Variants in SLC9A1 observed in about 807,000 individuals in gnomAD.
SLC9A1 encodes solute carrier family 9 member A1.
A neutral mutation model predicts 67.9 loss-of-function variants in SLC9A1; 22 were observed. That is an observed-to-expected ratio of 0.32 (90% CI 0.23 to 0.46). The LOEUF (loss-of-function observed/expected upper bound fraction) is 0.46, where lower values mean the gene tolerates loss of function less well. Ranked by LOEUF, SLC9A1 falls within the 20% of genes least tolerant of loss-of-function variation. The probability of loss-of-function intolerance (pLI) is 1.00; values close to 1 mark genes in which losing one functional copy is unlikely to be tolerated. For missense variants in SLC9A1, 686 were observed against 1,094.8 expected (o/e 0.63, Z 5.27); for synonymous variants, 421 against 471.8 (o/e 0.89, Z 1.40).
At chr1:27,123,890 GATCTTGGCTCACTGCA>G (rs1333224458) in intron 1 of SLC9A1, among the ~76,000 whole-genome samples, 1 of 143,550 alleles carries the variant, frequency 7.0e-6, no homozygotes, top group Non-Finnish European at 1.5e-5. Flanking sequence ...GCAGTGGCAC[GATCTTGGCTCACTGCA>G]ACCTCCGCCT....
Position 27,114,436 on chromosome 1 carries a change from C to T in SLC9A1, c.353-150G>A, listed in dbSNP as rs766830880. 1.4e-5 allele frequency: 9 copies of T among 625,766 alleles called. No individual in the cohort carries two copies. The highest frequency in any genetic ancestry group is 3.0e-5 in the Admixed American group (1 of 33,760). The allele number at this position is 625,766 out of a possible 1,614,324, so 38.8% of individuals were successfully genotyped here. On this transcript the variant is annotated intron_variant, in intron 1 of 11. Transcript: ENST00000263980. This position sits in a 1 kb window ranked among gnomAD's most constrained non-coding sequence, Gnocchi z 5.4. ...CTGCTCTGTTAACTCTCTGAGCCTC[C>T]GCTTCCTCGCCTGTAAAATGGAAGG...
Position 27,100,766 on chromosome 1 carries a change from C to G in SLC9A1, c.2111-122G>C, listed in dbSNP as rs915460896. On this transcript the variant is annotated intron_variant, in intron 11 of 11. Coordinates refer to ENST00000263980, the MANE Select transcript of SLC9A1 (RefSeq NM_003047.5). This position sits in a 1 kb window ranked among gnomAD's most constrained non-coding sequence, Gnocchi z 5.6. Reference sequence around the variant, plus strand: ...ATGAGCACAGCCGTCCCGGTCCCAACAGGCCTCAGAAGCAGGCCTCTGCGA... The same window carrying G: ...ATGAGCACAGCCGTCCCGGTCCCAAGAGGCCTCAGAAGCAGGCCTCTGCGA... The G allele has an allele frequency of 5.1e-6, 4 of 782,058 alleles. No individual in the cohort carries two copies. The highest frequency in any genetic ancestry group is 2.5e-5 in the East Asian group (1 of 40,340). The allele number at this position is 782,058 out of a possible 1,614,324, so 48.4% of individuals were successfully genotyped here.
At chr1:27,122,956 G>A (rs1046401783) in intron 1 of SLC9A1, among the ~76,000 whole-genome samples, 5 of 151,640 alleles carry the variant, frequency 3.3e-5, no homozygotes, top group South Asian at 2.1e-4. Flanking sequence ...CAAGGGAGAG[G>A]TGCCAGGCAG....
At chr1:27,133,382 C>G (rs185531382) in intron 1 of SLC9A1, among the ~76,000 whole-genome samples, 125 of 152,276 alleles carry the variant, frequency 8.2e-4, no homozygotes, top group Non-Finnish European at 1.5e-3. Flanking sequence ...TTTCCTGATT[C>G]TTGACGTCAA....
At position 27,154,002 on chromosome 1, in the gene SLC9A1, C is replaced by G; in HGVS notation, c.333G>C (p.Leu111=). 6.4e-7 allele frequency: 1 copy of G among 1,573,462 alleles called. No individual in the cohort carries two copies. The highest frequency in any genetic ancestry group is 8.7e-7 in the Non-Finnish European group (1 of 1,154,912). Residue 111 remains leucine (L), a synonymous_variant, in exon 1 of 12, where the codon CTG becomes CTC. Transcript: ENST00000263980. The part of the protein sequence containing the change: ...TPFEISLWIL[L]ACLMKIGFHV... Reference sequence around the variant, plus strand: ...ACTTACCTATCTTCATGAGGCAGGCCAGAAGGATCCAGAGGGAGATCTCGA... The same window carrying G: ...ACTTACCTATCTTCATGAGGCAGGCGAGAAGGATCCAGAGGGAGATCTCGA...
At position 27,106,071 on chromosome 1, in the gene SLC9A1, G is replaced by C. The variant is rs370935992; in HGVS notation, c.1299C>G (p.Thr433=). 9 of 1,612,748 alleles carry C rather than the reference G, an allele frequency of 5.6e-6. No individual in the cohort carries two copies. The African/African-American group carries it at 1.2e-4, about 22-fold the overall frequency. The change falls in exon 5 of 12, where the codon ACC becomes ACG. Residue 433 remains threonine (T), a synonymous_variant. Coordinates refer to ENST00000263980, the MANE Select transcript of SLC9A1 (RefSeq NM_003047.5). The surrounding 1 kb of genome is among the most constrained non-coding windows in gnomAD (Gnocchi z 4.3). ...CGATACGGAACTTGTTGATGAACCA[G>C]GTCAGGCCCAGCACCCCTGCAGGGG... is the stretch of plus-strand genomic sequence containing the variant. ...IARVLGVLGL[T]WFINKFRIVK... is the part of the protein sequence containing the mutation.
At chr1:27,132,928 A>G (rs2083395496) in intron 1 of SLC9A1, among the ~76,000 whole-genome samples, 1 of 152,178 alleles carries the variant, frequency 6.6e-6, no homozygotes, top group Admixed American at 6.5e-5. Flanking sequence ...CTGCACTGTG[A>G]CGTGGTAGCT....
Position 27,101,102 on chromosome 1 carries a change from G to T in SLC9A1, c.2110+101C>A. ...GGATCCTGAGGTCAGCGAGGGCCAG[G>T]CCTGTCCTCCCAGTGGCTGAGGACT... On this transcript the variant is annotated intron_variant, in intron 11 of 11. Transcript: ENST00000263980. The surrounding 1 kb of genome is among the most constrained non-coding windows in gnomAD (Gnocchi z 4.9). The T allele has an allele frequency of 1.1e-6, 1 of 886,196 alleles. No individual in the cohort carries two copies. Among genetic ancestry groups the T allele is most frequent in the African/African-American group, 1.6e-5 (1 of 61,168 alleles). 54.9% of individuals were successfully genotyped at this position (886,196 alleles called of 1,614,324 possible).
rs376691185 is a variant in SLC9A1, at chr1:27,114,150, G to A, written c.489C>T (p.Leu163=). The A allele has an allele frequency of 1.9e-6, 3 of 1,614,202 alleles. No homozygotes were observed. The highest frequency in any genetic ancestry group is 2.2e-5 in the East Asian group (1 of 44,880). ...CCAGGATGATGGGCGGCAGCAGGAA[G>A]AGGAAGAAGACGTCGGACTGCAGGA... is the stretch of plus-strand genomic sequence containing the variant. The part of the protein sequence containing the change: ...PPFLQSDVFF[L]FLLPPIILDA... The change falls in exon 2 of 12, where the codon CTC becomes CTT. Residue 163 remains leucine (L), a synonymous_variant. Coordinates refer to ENST00000263980, the MANE Select transcript of SLC9A1 (RefSeq NM_003047.5). The surrounding 1 kb of genome is among the most constrained non-coding windows in gnomAD (Gnocchi z 5.4).
chr1:27,131,068 G>T (rs910762426), intron 1 of SLC9A1, among the ~76,000 whole-genome samples: 1 of 152,244 alleles, frequency 6.6e-6, no homozygotes, highest in African/African-American at 2.4e-5. Flanking sequence ...AGGGCCCATC[G>T]TGTGATCCCA....
At chr1:27,107,964 T>C in intron 3 of SLC9A1, 99 bp from the exon 4 acceptor site, 1 of 837,548 alleles carries the variant, frequency 1.2e-6, no homozygotes, top group Non-Finnish European at 1.9e-6. Context: ...AAGGTGCCCA[T>C]GTCCCAAGCT....
At chr1:27,141,091 C>T (rs1570882878) in intron 1 of SLC9A1, among the ~76,000 whole-genome samples, 1 of 152,266 alleles carries the variant, frequency 6.6e-6, no homozygotes, top group East Asian at 1.9e-4. Context: ...GCCTGTAATC[C>T]CAGCTACTCG....
intron 1 of SLC9A1, among the ~76,000 whole-genome samples, chr1:27,142,864 G>C (rs1158385123): frequency 6.6e-6 from 1 of 151,824 alleles, no homozygotes; most frequent in Non-Finnish European, 1.5e-5. Flanking sequence ...CCTTCTCCTT[G>C]CCTGGAAGGT....
chr1:27,138,590 A>G (rs1390337058), intron 1 of SLC9A1, among the ~76,000 whole-genome samples: 1 of 152,002 alleles, frequency 6.6e-6, no homozygotes, highest in Admixed American at 6.5e-5. Context: ...CTCTGAAGAG[A>G]TGACGTTTGA....
At chr1:27,153,035 A>G (rs1183721992) in intron 1 of SLC9A1, among the ~76,000 whole-genome samples, 1 of 152,188 alleles carries the variant, frequency 6.6e-6, no homozygotes, top group African/African-American at 2.4e-5. Context: ...AGCTCCCCCA[A>G]TCACTCAGCA....
chr1:27,113,605 C>A (rs2083245347), intron 2 of SLC9A1, among the ~76,000 whole-genome samples: 1 of 152,160 alleles, frequency 6.6e-6, no homozygotes, highest in African/African-American at 2.4e-5. Context: ...CTGTGTCTCC[C>A]CTGGAAAATG....
intron 5 of SLC9A1, among the ~76,000 whole-genome samples, chr1:27,104,949 G>A (rs1004456421): frequency 6.6e-6 from 1 of 152,240 alleles, no homozygotes; most frequent in African/African-American, 2.4e-5. Flanking sequence ...GAGAGTGGCT[G>A]TCAGCTAAGC....
intron 1 of SLC9A1, among the ~76,000 whole-genome samples, chr1:27,149,664 G>A (rs1002717830): frequency 6.6e-6 from 1 of 152,202 alleles, no homozygotes; most frequent in African/African-American, 2.4e-5. Flanking sequence ...ACTCTACCAG[G>A]CATTCCCACG....
At chr1:27,112,921 G>A (rs1407378646) in intron 2 of SLC9A1, among the ~76,000 whole-genome samples, 1 of 151,074 alleles carries the variant, frequency 6.6e-6, no homozygotes, top group African/African-American at 2.4e-5. Flanking sequence ...GGGCCACAGA[G>A]GTATAGCATT....
Sources: gnomAD v4.1 joint callset for allele counts (sites outside exome capture counted in the v4.1 genomes callset) on GRCh38, gnomAD v4.1.1 for gene constraint, Gnocchi (gnomAD v3.1) non-coding constraint, MANE v1.5 for transcripts, NCBI Gene and HGNC (gene_info 2026-07-23, HGNC 2026-07-21) for gene names.